The following CYP27A1 variants were observed in gnomAD, a reference collection of about 807,000 sequenced individuals.
CYP27A1 encodes the protein cytochrome P450 family 27 subfamily A member 1.
In CYP27A1, 46 loss-of-function variants were observed where a neutral mutation model predicts 58.2. The ratio of observed to expected loss-of-function variants is 0.79; its 90% CI spans 0.62 to 1.01. The LOEUF is 1.01. Among genes scored for constraint, CYP27A1 ranks in the 50% least tolerant of loss-of-function variants. CYP27A1 has a pLI of 0.00. For synonymous variants in CYP27A1, 274 were observed against 285.1 expected (o/e 0.96, Z 0.39); for missense variants, 704 against 687.0 (o/e 1.02, Z -0.28).
At chr2:218,784,902 T>G (rs1433191454) in intron 1 of CYP27A1, among the ~76,000 whole-genome samples, 1 of 152,216 alleles carries the variant, frequency 6.6e-6, no homozygotes, top group Non-Finnish European at 1.5e-5. Context: ...TTTAAGCCAG[T>G]GGTCCCCAGT....
chr2:218,797,391 C>T (rs1025230683), intron 1 of CYP27A1, among the ~76,000 whole-genome samples: 32 of 152,162 alleles, frequency 2.1e-4, no homozygotes, highest in Admixed American at 1.0e-3. Context: ...CGAGCCGTTG[C>T]GCCTGGCCTT....
chr2:218,786,344 G>A lies in CYP27A1; in HGVS notation c.255+3907G>A, dbSNP rs949686785. Among the ~76,000 whole-genome samples, 3 of 152,180 alleles carry A rather than the reference G, an allele frequency of 2.0e-5. 1 individual carries two copies. The highest frequency in any genetic ancestry group is 4.4e-5 in the Non-Finnish European group (3 of 68,022). The stretch of plus-strand genomic sequence containing the variant: ...CAAACCAGGTGTCTGCCACACAAAG[G>A]GGAGGACGGCAATGGATGTAGGAAC... On this transcript the variant is annotated intron_variant, in intron 1 of 8. Coordinates refer to ENST00000258415, the MANE Select transcript of CYP27A1 (RefSeq NM_000784.4).
intron 1 of CYP27A1, among the ~76,000 whole-genome samples, chr2:218,786,313 C>G (rs1943440388): frequency 6.6e-6 from 1 of 152,162 alleles, no homozygotes; most frequent in Admixed American, 6.5e-5. Context: ...TAGGGTCCCT[C>G]CCACCCAAAC....
intron 1 of CYP27A1, among the ~76,000 whole-genome samples, chr2:218,785,002 T>C (rs1297183650): frequency 2.0e-5 from 3 of 152,202 alleles, no homozygotes; most frequent in Admixed American, 2.0e-4. Context: ...ATTACATTTA[T>C]TGTGTATTTT....
chr2:218,791,824 G>A (rs1408932034), intron 1 of CYP27A1, among the ~76,000 whole-genome samples: 1 of 152,138 alleles, frequency 6.6e-6, no homozygotes, highest in African/African-American at 2.4e-5. Context: ...TCTTTTCCTG[G>A]TGAAAATACA....
chr2:218,783,072 C>A (rs1198988228), intron 1 of CYP27A1, among the ~76,000 whole-genome samples: 3 of 151,858 alleles, frequency 2.0e-5, no homozygotes, highest in African/African-American at 7.3e-5. Flanking sequence ...GCCTGGCCAA[C>A]ATGGTGAAAC....
Position 218,812,299 on chromosome 2 carries a change from CG to C in CYP27A1, c.526del (p.Asp176MetfsTer6), listed in dbSNP as rs765512351. On this transcript the variant is annotated frameshift_variant, in exon 3 of 9. Transcript: ENST00000258415. LOFTEE classifies it high-confidence loss of function. ...AAGCCAGCGGAAGCAGCGCTCTATA[CG>C]GATGCTTTCAATGAGGTGATTGATG... The part of the protein sequence containing the change: ...LLKPAEAALY[T>X]DAFNEVIDDF... 1.5e-5 allele frequency: 25 copies of C among 1,614,132 alleles called. No individual in the cohort carries two copies. The South Asian group carries it at 2.6e-4, about 17-fold the overall frequency.
intron 1 of CYP27A1, among the ~76,000 whole-genome samples, chr2:218,792,064 T>TACACAC (rs61540539): frequency 7.3e-5 from 11 of 149,954 alleles, no homozygotes; most frequent in African/African-American, 2.7e-4. Context: ...TAGAAGTCAC[T>TACACAC]ACACACACAC....
intron 1 of CYP27A1, among the ~76,000 whole-genome samples, chr2:218,800,327 C>G (rs897948770): frequency 1.3e-5 from 2 of 151,902 alleles, no homozygotes; most frequent in African/African-American, 4.8e-5. Context: ...AAGGTCTTAA[C>G]GGTGCTATGG....
chr2:218,808,503 T>C (rs982226296), intron 1 of CYP27A1, among the ~76,000 whole-genome samples: 4 of 152,226 alleles, frequency 2.6e-5, no homozygotes, highest in Admixed American at 2.6e-4. Context: ...AGTTGGAGTT[T>C]TTCTGGACTA....
chr2:218,787,026 A>G (rs546746298), intron 1 of CYP27A1, among the ~76,000 whole-genome samples: 23 of 152,156 alleles, frequency 1.5e-4, no homozygotes, highest in Admixed American at 2.6e-4. Context: ...CCTGAGCTCA[A>G]GCAATTCACC....
intron 1 of CYP27A1, among the ~76,000 whole-genome samples, chr2:218,803,374 C>T (rs777513402): frequency 3.9e-5 from 6 of 152,156 alleles, no homozygotes; most frequent in Non-Finnish European, 5.9e-5. Context: ...TATTTTCTCT[C>T]GTTCTATAAG....
At chr2:218,814,515 G>C (rs188379599) in intron 7 of CYP27A1, 30 bp from the exon 8 acceptor site, 2 of 1,613,546 alleles carry the variant, frequency 1.2e-6, no homozygotes, top group Non-Finnish European at 1.7e-6. Flanking sequence ...CCGAAGAGAG[G>C]CATTCATGCT....
rs376688360 is a variant in CYP27A1, at chr2:218,798,355, CA to C, written c.256-11221del. On this transcript the variant is annotated intron_variant, in intron 1 of 8. Transcript: ENST00000258415. ...CATTTTGTTGTTCTTACACACCTTG[CA>C]TATAAATCTATTTTCAGTTGTTTCA... Among the ~76,000 whole-genome samples the C allele has an allele frequency of 6.0e-4, 91 of 152,306 alleles. 2 individuals carry two copies. The East Asian group carries it at 0.017, about 29-fold the overall frequency.
At chr2:218,814,485 C>T in intron 7 of CYP27A1, 27 bp downstream of exon 7, 1 of 1,613,348 alleles carries the variant, frequency 6.2e-7, no homozygotes, top group Admixed American at 1.7e-5. Flanking sequence ...AGCCCGATTG[C>T]CCAGGAGTGC....
intron 2 of CYP27A1, among the ~76,000 whole-genome samples, chr2:218,810,946 G>T (rs1400595516): frequency 6.6e-6 from 1 of 152,134 alleles, no homozygotes; most frequent in African/African-American, 2.4e-5. Context: ...AGGAGATCAA[G>T]ACCATCCTGG....
intron 1 of CYP27A1, among the ~76,000 whole-genome samples, chr2:218,787,938 A>G (rs969212208): frequency 4.6e-5 from 7 of 152,262 alleles, no homozygotes; most frequent in African/African-American, 1.7e-4. Context: ...CTATTGCTGC[A>G]TAACAAACTA....
chr2:218,813,121 CA>C (rs772055088), intron 5 of CYP27A1, 25 bp downstream of exon 5: 6 of 1,587,120 alleles, frequency 3.8e-6, no homozygotes, highest in South Asian at 3.4e-5. Context: ...AGGGTGAGAC[CA>C]GGGGCCCCCA....
At chr2:218,810,750 T>A (rs899984930) in intron 2 of CYP27A1, among the ~76,000 whole-genome samples, 3 of 152,182 alleles carry the variant, frequency 2.0e-5, no homozygotes, top group African/African-American at 7.2e-5. Flanking sequence ...TTTCATTTCT[T>A]TTTCAGCAAC....
Sources: allele counts gnomAD v4.1 joint callset (sites outside exome capture counted in the v4.1 genomes callset), GRCh38; gene constraint gnomAD v4.1.1; transcripts MANE v1.5; gene names NCBI Gene and HGNC (gene_info 2026-07-23, HGNC 2026-07-21).